TMX1: variants seen among roughly 807,000 people sequenced by gnomAD.
The protein encoded by TMX1 is thioredoxin related transmembrane protein 1.
A neutral mutation model predicts 36.6 loss-of-function variants in TMX1; 25 were observed. The ratio of observed to expected loss-of-function variants is 0.68; its 90% confidence interval spans 0.50 to 0.95. The LOEUF is 0.95. TMX1 is among the 40% of genes least tolerant of loss of function. TMX1 has a pLI of 0.00. For synonymous variants in TMX1, 133 were observed against 118.0 expected (o/e 1.13, Z -0.82); for missense variants, 347 against 339.6 (o/e 1.02, Z -0.17).
intron 2 of TMX1, 68 bp from the exon 3 acceptor site, chr14:51,245,245 T>C: frequency 6.4e-7 from 1 of 1,574,492 alleles, no homozygotes. Context: ...TTTAAATAAT[T>C]CAAAGTCACG....
Position 51,254,529 on chromosome 14 carries a change from A to G in TMX1, c.*10A>G, listed in dbSNP as rs577466072. On this transcript the variant is annotated 3_prime_UTR_variant, in exon 8 of 8. Coordinates refer to ENST00000457354, the MANE Select transcript of TMX1 (RefSeq NM_030755.5). ...CACAGATAAATCCTAGTTAAATTTT[A>G]TAGTTATCTTAATATTATGATTTTG... is the stretch of plus-strand genomic sequence containing the variant. 2.3e-4 allele frequency: 366 copies of G among 1,577,376 alleles called. 5 individuals are homozygous for G. In the South Asian group the frequency reaches 4.1e-3, roughly 18 times the overall value.
At chr14:51,249,188 G>A in intron 4 of TMX1, 138 bp from the exon 5 acceptor site, 1 of 610,714 alleles carries the variant, frequency 1.6e-6, no homozygotes, top group South Asian at 3.0e-5. Context: ...TTACAGGCAT[G>A]AAATCAGTGA....
At chr14:51,250,867 A>G (rs2065808923) in intron 7 of TMX1, among the ~76,000 whole-genome samples, 1 of 152,146 alleles carries the variant, frequency 6.6e-6, no homozygotes, top group African/African-American at 2.4e-5. Context: ...TTTATAGTGT[A>G]CCTTGTCCTT....
rs551527191 is a variant in TMX1, at chr14:51,247,548, G to A, written c.443+328G>A. Among the ~76,000 whole-genome samples, 180 of 151,906 alleles carry A rather than the reference G, an allele frequency of 1.2e-3. 1 individual carries two copies. Among genetic ancestry groups the A allele is most frequent in the Admixed American group, 1.4e-3 (21 of 15,254 alleles). ...ATTTTTTTGTATTTTTAGTAGAGACGGGGTTTCACTGTGTTAGCCAGGATG... is the reference window on the plus strand; with the variant it reads ...ATTTTTTTGTATTTTTAGTAGAGACAGGGTTTCACTGTGTTAGCCAGGATG... On this transcript the variant is annotated intron_variant, in intron 4 of 7. Coordinates refer to ENST00000457354, the MANE Select transcript of TMX1 (RefSeq NM_030755.5).
At chr14:51,251,646 T>A (rs1013021806) in intron 7 of TMX1, among the ~76,000 whole-genome samples, 12 of 152,094 alleles carry the variant, frequency 7.9e-5, no homozygotes, top group African/African-American at 2.2e-4. Context: ...ACTTTGGGAG[T>A]CTGCATAGAT....
rs746422032 is a variant in TMX1, at chr14:51,243,894, C to T, written c.191C>T (p.Pro64Leu). ...TGCCCTGCTTGTCAAAATCTTCAAC[C>T]GGAATGGGAAAGTTTTGCTGAATGG... ...PWCPACQNLQ[P>L]EWESFAEWGE... Residue 64 changes from proline to leucine, a missense_variant, in exon 2 of 8, where the codon CCG (proline) becomes CTG (leucine). Pro to Leu is a moderately conservative substitution (Grantham distance 98, BLOSUM62 -3). Transcript: ENST00000457354. The T allele has an allele frequency of 2.9e-5, 46 of 1,610,318 alleles. No individual in the cohort carries two copies. The highest frequency in any genetic ancestry group is 6.7e-5 in the African/African-American group (5 of 74,774).
intron 1 of TMX1, among the ~76,000 whole-genome samples, chr14:51,242,904 T>A (rs1322457174): frequency 6.6e-6 from 1 of 152,222 alleles, no homozygotes; most frequent in Non-Finnish European, 1.5e-5. Context: ...TCAGAAGTTT[T>A]GTCATGGAGA....
At position 51,240,357 on chromosome 14, in the gene TMX1, C is replaced by T. The variant is rs1357740351; in HGVS notation, c.65C>T (p.Pro22Leu). Reference sequence around the variant, plus strand: ...CTGGTGCTGTTGCTTTGGGGTGCTCCCTGGACGCACGGGCGGCGGAGCAAC... The same window carrying T: ...CTGGTGCTGTTGCTTTGGGGTGCTCTCTGGACGCACGGGCGGCGGAGCAAC... Reference protein sequence around the residue: ...AVLVLLLWGAPWTHGRRSNVR... With the variant: ...AVLVLLLWGALWTHGRRSNVR... Residue 22 changes from proline (P) to leucine (L), a missense_variant, in exon 1 of 8, where the codon CCC becomes CTC. By Grantham distance (98) the Pro-to-Leu change is moderately conservative. Transcript: ENST00000457354. 3 of 1,613,890 alleles carry T rather than the reference C, an allele frequency of 1.9e-6. No individual in the cohort carries two copies. Among genetic ancestry groups the T allele is most frequent in the Non-Finnish European group, 1.7e-6 (2 of 1,180,022 alleles).
intron 1 of TMX1, among the ~76,000 whole-genome samples, chr14:51,241,168 C>T (rs2140468715): frequency 6.6e-6 from 1 of 152,228 alleles, no homozygotes; most frequent in Non-Finnish European, 1.5e-5. Flanking sequence ...AATGTATACA[C>T]TCTCAAGAGC....
chr14:51,253,523 C>T (rs2065824463), intron 7 of TMX1, among the ~76,000 whole-genome samples: 1 of 152,180 alleles, frequency 6.6e-6, no homozygotes, highest in Non-Finnish European at 1.5e-5. Flanking sequence ...TCCCTGGCCC[C>T]ACCATTCTTG....
chr14:51,249,895 C>CT (rs2065803997), intron 7 of TMX1, 130 bp downstream of exon 7: 1 of 665,916 alleles, frequency 1.5e-6, no homozygotes. Flanking sequence ...TCTTTATCAG[C>CT]TATGGCATAA....
chr14:51,244,388 G>A (rs965914406), intron 2 of TMX1, among the ~76,000 whole-genome samples: 35 of 152,168 alleles, frequency 2.3e-4, no homozygotes, highest in African/African-American at 8.2e-4. Flanking sequence ...TCAGAATAAG[G>A]AGCATGTGGT....
intron 6 of TMX1, 39 bp from the exon 7 acceptor site, chr14:51,249,654 A>G (rs748400703): frequency 9.4e-6 from 15 of 1,600,140 alleles, no homozygotes; most frequent in Non-Finnish European, 1.3e-5. Context: ...TGTGGCATAT[A>G]TTCTACATTC....
Position 51,240,300 on chromosome 14 carries a change from C to A in TMX1, c.8C>A (p.Pro3His). Residue 3 changes from proline to histidine, a missense_variant, in exon 1 of 8, where the codon CCC becomes CAC. Transcript: ENST00000457354. ...AGGTGGGCAAGCGGCGAAATGGCGC[C>A]CTCCGGGAGTCTTGCAGTTCCCCTG... Reference protein sequence around the residue: MAPSGSLAVPLAV... With the variant: MAHSGSLAVPLAV... 6.2e-7 allele frequency: 1 copy of A among 1,611,034 alleles called. No individual in the cohort carries two copies. Among genetic ancestry groups the A allele is most frequent in the Non-Finnish European group, 8.5e-7 (1 of 1,179,570 alleles).
rs2065836594 is a variant in TMX1 at position 51,255,977 on chromosome 14, G to T, written c.*1458G>T. On this transcript the variant is annotated 3_prime_UTR_variant, in exon 8 of 8. Transcript: ENST00000457354. The stretch of plus-strand genomic sequence containing the variant: ...TATTGTACCATTGAAGAGTTTGGAT[G>T]TGTAACTTGTGATGCCTTAGAAAAA... 6.6e-6 allele frequency: 1 copy of T among 152,644 alleles called. No individual in the cohort carries two copies. Among genetic ancestry groups the T allele is most frequent in the Middle Eastern group, 3.4e-3 (1 of 294 alleles). 9.5% of individuals were successfully genotyped at this position (152,644 alleles called of 1,614,324 possible).
intron 1 of TMX1, among the ~76,000 whole-genome samples, chr14:51,240,663 A>C (rs2065756532): frequency 1.3e-5 from 2 of 152,048 alleles, no homozygotes; most frequent in East Asian, 3.9e-4. Context: ...TCTGGGGTGC[A>C]CCCTCGTTTC....
intron 7 of TMX1, among the ~76,000 whole-genome samples, chr14:51,250,920 T>A (rs2065809209): frequency 6.6e-6 from 1 of 152,170 alleles, no homozygotes; most frequent in Non-Finnish European, 1.5e-5. Context: ...ATAGTTGCAT[T>A]GATACTAAAA....
At position 51,249,718 on chromosome 14, in the gene TMX1, T is replaced by G. The variant is rs760360008; in HGVS notation, c.617T>G (p.Leu206Arg). Residue 206 changes from leucine to arginine, a missense_variant, in exon 7 of 8, where the codon CTT becomes CGT. Coordinates refer to ENST00000457354, the MANE Select transcript of TMX1 (RefSeq NM_030755.5). ...GLCMIFVADC[L>R]CPSKRRRPQP... is the part of the protein sequence containing the mutation. Reference sequence around the variant, plus strand: ...TGTATGATATTTGTGGCAGATTGCCTTTGTCCTTCAAAAAGGCGCAGACCA... The same window carrying G: ...TGTATGATATTTGTGGCAGATTGCCGTTGTCCTTCAAAAAGGCGCAGACCA... 2 of 1,613,614 alleles carry G rather than the reference T, an allele frequency of 1.2e-6. No homozygotes were observed. The highest frequency in any genetic ancestry group is 2.2e-5 in the South Asian group (2 of 90,996).
chr14:51,247,780 T>C (rs1198133770), intron 4 of TMX1, among the ~76,000 whole-genome samples: 11 of 152,232 alleles, frequency 7.2e-5, no homozygotes, highest in African/African-American at 2.7e-4. Context: ...GCTTGCTAGA[T>C]TTGGTCATAT....
Sources: gnomAD v4.1 joint callset for allele counts (sites outside exome capture counted in the v4.1 genomes callset) on GRCh38, gnomAD v4.1.1 for gene constraint, MANE v1.5 for transcripts, NCBI Gene and HGNC (gene_info 2026-07-23, HGNC 2026-07-21) for gene names.